Variants in CASC3 observed in about 807,000 individuals in gnomAD.
CASC3 encodes the protein CASC3 exon junction complex subunit, also known as protein CASC3.
A neutral mutation model predicts 80.5 loss-of-function variants in CASC3; 30 were observed. That is an observed-to-expected ratio of 0.37 (90% CI 0.28 to 0.51). CASC3 has a LOEUF of 0.51. CASC3 is among the 20% of genes least tolerant of loss of function. CASC3 has a pLI of 0.94. For synonymous variants in CASC3, 312 were observed against 333.6 expected (o/e 0.94, Z 0.70); for missense variants, 824 against 922.2 (o/e 0.89, Z 1.38).
chr17:40,141,570 C>T lies in CASC3; in HGVS notation c.260C>T (p.Ala87Val). 1.9e-6 allele frequency: 3 copies of T among 1,613,404 alleles called. No homozygotes were observed. The highest frequency in any genetic ancestry group is 2.5e-6 in the Non-Finnish European group (3 of 1,179,556). The part of the protein sequence containing the change: ...CESEDGIEGD[A>V]VLSDYESAED... ...TCCACATATTTCTGTTTTATTTCAG[C>T]TGTTCTCTCGGATTATGAAAGTGCA... The change falls in exon 3 of 14, where the codon GCT (alanine) becomes GTT (valine). Residue 87 changes from alanine (A) to valine (V), a missense_variant and splice_region_variant. Ala to Val is a moderately conservative substitution (Grantham distance 64, BLOSUM62 0). Transcript: ENST00000264645.
At position 40,172,091 on chromosome 17, in the gene CASC3, T is replaced by C. The variant is rs561909893; in HGVS notation, c.*1686T>C. The C allele has an allele frequency of 4.7e-6, 6 of 1,289,326 alleles. No individual in the cohort carries two copies. The highest frequency in any genetic ancestry group is 6.1e-6 in the Non-Finnish European group (6 of 988,270). The allele number at this position is 1,289,326 out of a possible 1,614,324, so 79.9% of individuals were successfully genotyped here. On this transcript the variant is annotated 3_prime_UTR_variant, in exon 14 of 14. Coordinates refer to ENST00000264645, the MANE Select transcript of CASC3 (RefSeq NM_007359.5). ...AAGGATTTTTCCATGTGTGGTGGTG[T>C]TTTTTGTTACTGTTTTAAAGGGTGC... is the stretch of plus-strand genomic sequence containing the variant.
At chr17:40,145,892 A>G (rs1162331082) in intron 3 of CASC3, among the ~76,000 whole-genome samples, 3 of 151,922 alleles carry the variant, frequency 2.0e-5, no homozygotes, top group Non-Finnish European at 4.4e-5. Context: ...TGGTTTTTCA[A>G]AGTGCTGGGA....
intron 3 of CASC3, among the ~76,000 whole-genome samples, chr17:40,158,755 G>A (rs1205270504): frequency 6.6e-6 from 1 of 152,178 alleles, no homozygotes; most frequent in Non-Finnish European, 1.5e-5. Flanking sequence ...TTTCTGAAAT[G>A]TGATGGTTGT....
rs1989315247 is a variant in CASC3, at chr17:40,162,041, G to A, written c.496G>A (p.Gly166Ser). Reference sequence around the variant, plus strand: ...TGTGGAGAACAAAGTGGGTAAAAAGGGCCCTAAGCATTTGGATGATGATGA... The same window carrying A: ...TGTGGAGAACAAAGTGGGTAAAAAGAGCCCTAAGCATTTGGATGATGATGA... ...EPVENKVGKK[G>S]PKHLDDDEDR... Residue 166 changes from glycine (G) to serine (S), a missense_variant, in exon 5 of 14, where the codon GGC becomes AGC. By Grantham distance (56) the Gly-to-Ser change is moderately conservative. Transcript: ENST00000264645. 2.5e-6 allele frequency: 4 copies of A among 1,614,060 alleles called. No homozygotes were observed. Among genetic ancestry groups the A allele is most frequent in the Non-Finnish European group, 3.4e-6 (4 of 1,179,988 alleles).
At chr17:40,151,358 T>C (rs1989002869) in intron 3 of CASC3, among the ~76,000 whole-genome samples, 1 of 152,110 alleles carries the variant, frequency 6.6e-6, no homozygotes, top group African/African-American at 2.4e-5. Context: ...GTTACAGGTA[T>C]GTGCCATATG....
At chr17:40,169,700 A>G in intron 13 of CASC3, 38 bp downstream of exon 13, 1 of 1,027,150 alleles carries the variant, frequency 9.7e-7, no homozygotes. Flanking sequence ...GTTAAAACTA[A>G]TGCTCACACT....
rs1230042593 is a variant in CASC3, at chr17:40,144,291, C to T, written c.297+2684C>T. On this transcript the variant is annotated intron_variant, in intron 3 of 13. Coordinates refer to ENST00000264645, the MANE Select transcript of CASC3 (RefSeq NM_007359.5). ...CAAAAACAAAAACAAAACTCATGTACTACATAAATATATACCTACTGTGTA... is the reference window on the plus strand; with the variant it reads ...CAAAAACAAAAACAAAACTCATGTATTACATAAATATATACCTACTGTGTA... Among the ~76,000 whole-genome samples, 3 of 151,720 alleles carry T rather than the reference C, an allele frequency of 2.0e-5. No homozygotes were observed. In the South Asian group the frequency reaches 6.2e-4, roughly 32 times the overall value.
chr17:40,143,590 G>T (rs555659933), intron 3 of CASC3, among the ~76,000 whole-genome samples: 23 of 152,222 alleles, frequency 1.5e-4, no homozygotes, highest in African/African-American at 5.3e-4. Flanking sequence ...CCAGCACTTC[G>T]GGAGGCTGAG....
intron 3 of CASC3, among the ~76,000 whole-genome samples, chr17:40,151,828 A>G (rs1989017827): frequency 1.3e-5 from 2 of 152,056 alleles, no homozygotes; most frequent in Non-Finnish European, 2.9e-5. Flanking sequence ...GGAATTATGT[A>G]ATATGTAGAT....
chr17:40,157,527 T>C (rs114009253), intron 3 of CASC3, among the ~76,000 whole-genome samples: 1,524 of 151,790 alleles, frequency 0.01, 32 homozygotes, highest in Middle Eastern at 0.034. Flanking sequence ...AGTACGAAAA[T>C]AGCTGGGAGT....
At chr17:40,144,145 G>T (rs1050234320) in intron 3 of CASC3, among the ~76,000 whole-genome samples, 14 of 151,728 alleles carry the variant, frequency 9.2e-5, no homozygotes, top group Admixed American at 1.3e-4. Context: ...TGTAATCCCA[G>T]CGACTCAGGA....
At chr17:40,167,066 G>A (rs1159337419) in intron 8 of CASC3, 2 of 535,502 alleles carry the variant, frequency 3.7e-6, no homozygotes, top group African/African-American at 4.0e-5. Flanking sequence ...CCCAGTTCAA[G>A]CAATTCTGCC....
In CASC3 at chr17:40,163,754, C is replaced by T. The variant is rs146454320; in HGVS notation, c.1059C>T (p.Arg353=). 2 of 1,614,010 alleles carry T rather than the reference C, an allele frequency of 1.2e-6. No individual in the cohort carries two copies. Among genetic ancestry groups the T allele is most frequent in the African/African-American group, 1.3e-5 (1 of 74,902 alleles). ...ATGAGATTAGTTACCGGTCACGGCG[C>T]CTAGAGCAGACTTCTGTGAGGGATC... ...VKHEISYRSR[R]LEQTSVRDPS... Residue 353 remains arginine, a synonymous_variant, in exon 7 of 14, where the codon CGC becomes CGT. Coordinates refer to ENST00000264645, the MANE Select transcript of CASC3 (RefSeq NM_007359.5).
Position 40,171,234 on chromosome 17 carries a change from G to A in CASC3, c.*829G>A. On this transcript the variant is annotated 3_prime_UTR_variant, in exon 14 of 14. Transcript: ENST00000264645. The stretch of plus-strand genomic sequence containing the variant: ...CTGCTGAGGGCCAATACCCTACTGT[G>A]GGGAGAGATGGCACACCAGATGCTT... 2 of 986,030 alleles carry A rather than the reference G, an allele frequency of 2.0e-6. No individual in the cohort carries two copies. The highest frequency in any genetic ancestry group is 2.4e-6 in the Non-Finnish European group (2 of 829,978). The allele number at this position is 986,030 out of a possible 1,614,324, so 61.1% of individuals were successfully genotyped here.
chr17:40,169,811 A>G (rs1298478349), intron 13 of CASC3, 149 bp downstream of exon 13: 2 of 472,034 alleles, frequency 4.2e-6, no homozygotes, highest in African/African-American at 5.5e-5. Flanking sequence ...GCTGGAGTGC[A>G]GTGGTGCAAT....
intron 3 of CASC3, among the ~76,000 whole-genome samples, chr17:40,160,150 G>A (rs1242156805): frequency 6.6e-6 from 1 of 152,158 alleles, no homozygotes; most frequent in Non-Finnish European, 1.5e-5. Context: ...TGAGATGGGA[G>A]AGTTCACAAC....
intron 7 of CASC3, among the ~76,000 whole-genome samples, chr17:40,164,844 G>A (rs975575369): frequency 7.9e-6 from 1 of 127,262 alleles, no homozygotes; most frequent in Non-Finnish European, 1.6e-5. Flanking sequence ...CAACCTCTGC[G>A]TCCAGGGCTC....
Position 40,162,899 on chromosome 17 carries a change from C to G in CASC3, c.783C>G (p.Pro261=). Residue 261 remains proline, a splice_region_variant and synonymous_variant, in exon 6 of 14, where the codon CCC becomes CCG. Coordinates refer to ENST00000264645, the MANE Select transcript of CASC3 (RefSeq NM_007359.5). ...DDIKPRRIRK[P]RYGSPPQRDP... Reference sequence around the variant, plus strand: ...TCAAACCTCGAAGAATCCGGAAACCCCGGTGAGGACATTTTAGAACATAAG... The same window carrying G: ...TCAAACCTCGAAGAATCCGGAAACCGCGGTGAGGACATTTTAGAACATAAG... The G allele has an allele frequency of 6.2e-7, 1 of 1,613,266 alleles. No homozygotes were observed. The highest frequency in any genetic ancestry group is 2.2e-5 in the East Asian group (1 of 44,846).
chr17:40,147,738 C>G (rs1988896334), intron 3 of CASC3, among the ~76,000 whole-genome samples: 1 of 152,102 alleles, frequency 6.6e-6, no homozygotes, highest in Non-Finnish European at 1.5e-5. Context: ...GAGAAGAGTT[C>G]TGGAAGGACA....
Sources: allele counts gnomAD v4.1 joint callset (sites outside exome capture counted in the v4.1 genomes callset), GRCh38; gene constraint gnomAD v4.1.1; transcripts MANE v1.5; gene names NCBI Gene and HGNC (gene_info 2026-07-23, HGNC 2026-07-21).